Variants in MDGA2 observed in about 807,000 individuals in gnomAD.
The protein encoded by MDGA2 is MAM domain-containing glycosylphosphatidylinositol anchor protein 2.
MDGA2 carries 40 observed loss-of-function variants against 117.8 expected under a neutral mutation model. The observed-to-expected ratio is 0.34, with a 90% CI of 0.26 to 0.44. The LOEUF (loss-of-function observed/expected upper bound fraction) is 0.44, where lower values mean the gene tolerates loss of function less well. Ranked by LOEUF, MDGA2 falls within the 20% of genes least tolerant of loss-of-function variation. The pLI is 1.00. For missense variants in MDGA2, 1,123 were observed against 1,250.6 expected (o/e 0.90, Z 1.54); for synonymous variants, 452 against 439.0 (o/e 1.03, Z -0.37).
rs772139353 is a variant in MDGA2 at position 46,920,087 on chromosome 14, A to G, written c.2163T>C (p.Ser721=). The stretch of plus-strand genomic sequence containing the variant: ...TCATCTGTGTCCACTGTAGACTGTA[A>G]GAATAAACACGGTGTCTGTTCTGCC... The part of the protein sequence containing the change: ...PVWQNRHRVY[S]YSLQWTQMNP... Residue 721 remains serine (S), a synonymous_variant, in exon 10 of 17, where the codon TCT becomes TCC. Coordinates refer to ENST00000399232, the MANE Select transcript of MDGA2 (RefSeq NM_001113498.3). The G allele has an allele frequency of 7.4e-6, 12 of 1,611,962 alleles. No individual in the cohort carries two copies. The Admixed American group carries it at 1.3e-4, about 18-fold the overall frequency.
At chr14:47,301,649 T>C (rs1349764078) in intron 1 of MDGA2, 99 bp from the exon 2 acceptor site, 1 of 1,250,334 alleles carries the variant, frequency 8.0e-7, no homozygotes, top group East Asian at 2.6e-5. Flanking sequence ...TTATTAGACT[T>C]CACCATAGTC....
chr14:46,936,611 C>T (rs1017835619), intron 9 of MDGA2, among the ~76,000 whole-genome samples: 2 of 151,850 alleles, frequency 1.3e-5, no homozygotes, highest in South Asian at 2.1e-4. Context: ...TTTCTCTTCC[C>T]GTCATATACT....
At chr14:47,231,051 C>T (rs1222929952) in intron 2 of MDGA2, among the ~76,000 whole-genome samples, 2 of 151,926 alleles carry the variant, frequency 1.3e-5, no homozygotes, top group African/African-American at 2.4e-5. Flanking sequence ...TTTCAATAAT[C>T]GTCTTCATGT....
rs1186730957 is a variant in MDGA2, at chr14:47,222,045, A to G, written c.421-3850T>C. Among the ~76,000 whole-genome samples the G allele has an allele frequency of 2.0e-5, 3 of 152,018 alleles. No homozygotes were observed. In the East Asian group the frequency reaches 5.8e-4, roughly 29 times the overall value. On this transcript the variant is annotated intron_variant, in intron 2 of 16. Transcript: ENST00000399232. Reference sequence around the variant, plus strand: ...GAGTCACCATTCTATGCAATAGACCACTATACAGTAAGATACAACACTTAT... The same window carrying G: ...GAGTCACCATTCTATGCAATAGACCGCTATACAGTAAGATACAACACTTAT...
At position 47,248,280 on chromosome 14, in the gene MDGA2, C is replaced by CA. The variant is rs1301582314; in HGVS notation, c.421-30086dup. Among the ~76,000 whole-genome samples the CA allele has an allele frequency of 3.3e-5, 5 of 150,852 alleles. No individual in the cohort carries two copies. The East Asian group carries it at 7.7e-4, about 23-fold the overall frequency. ...GAGTAAAAAGGATGAATTTATTTTA[C>CA]AAAAAAATGAGAAACATCAGACGGA... On this transcript the variant is annotated intron_variant, in intron 2 of 16. Transcript: ENST00000399232.
chr14:47,042,808 A>G (rs1030809992), intron 7 of MDGA2, among the ~76,000 whole-genome samples: 1 of 152,136 alleles, frequency 6.6e-6, no homozygotes, highest in Non-Finnish European at 1.5e-5. Flanking sequence ...TCAAGAAAGT[A>G]CATTCAGTGT....
At chr14:46,864,294 T>C (rs971892234) in intron 14 of MDGA2, among the ~76,000 whole-genome samples, 1 of 150,922 alleles carries the variant, frequency 6.6e-6, no homozygotes, top group East Asian at 1.9e-4. Flanking sequence ...TTTTGTTATA[T>C]GTAAATTATT....
intron 1 of MDGA2, among the ~76,000 whole-genome samples, chr14:47,542,890 G>A (rs1895380871): frequency 3.9e-5 from 6 of 152,160 alleles, no homozygotes. Context: ...ATACAAAGAT[G>A]TGTCAGACAC....
intron 2 of MDGA2, among the ~76,000 whole-genome samples, chr14:47,295,296 T>C (rs2139790060): frequency 6.6e-6 from 1 of 152,316 alleles, no homozygotes; most frequent in African/African-American, 2.4e-5. Flanking sequence ...ATGTTTATTA[T>C]TAAAAGAAAT....
chr14:47,511,010 T>A (rs1171428022), intron 1 of MDGA2, among the ~76,000 whole-genome samples: 6 of 152,222 alleles, frequency 3.9e-5, no homozygotes, highest in Admixed American at 3.9e-4. Flanking sequence ...TGTCTCAACT[T>A]TATTATGGCA....
intron 1 of MDGA2, among the ~76,000 whole-genome samples, chr14:47,506,752 C>G (rs1034465234): frequency 9.2e-5 from 14 of 152,140 alleles, no homozygotes; most frequent in African/African-American, 3.4e-4. Context: ...GGGCAGCTCA[C>G]GCCTGTAATC....
intron 1 of MDGA2, among the ~76,000 whole-genome samples, chr14:47,649,710 CAAAAA>C (rs1897602763): frequency 7.7e-6 from 1 of 129,146 alleles, no homozygotes; most frequent in Non-Finnish European, 1.7e-5. Context: ...CAAAACAAAA[CAAAAA>C]AACCCCACAA....
chr14:46,983,825 C>T (rs533279087), intron 8 of MDGA2, among the ~76,000 whole-genome samples: 18 of 151,994 alleles, frequency 1.2e-4, no homozygotes, highest in Non-Finnish European at 1.8e-4. Flanking sequence ...TAATTCTCTT[C>T]TCCATCTGAC....
intron 8 of MDGA2, among the ~76,000 whole-genome samples, chr14:46,969,933 CATATATATATATATATATATATATAT>C (rs1157465830): frequency 3.3e-4 from 5 of 15,316 alleles, no homozygotes; most frequent in African/African-American, 6.1e-4. Flanking sequence ...TAAAGTATTC[CATATATATATATATATATATATATAT>C]ATATATATAT....
chr14:47,664,635 ATCATGCTG>A (rs1897909129), intron 1 of MDGA2, among the ~76,000 whole-genome samples: 1 of 152,222 alleles, frequency 6.6e-6, no homozygotes, highest in Non-Finnish European at 1.5e-5. Context: ...TTTCAACTAC[ATCATGCTG>A]TCTTGCACTG....
chr14:47,504,253 C>G (rs1480732825), intron 1 of MDGA2, among the ~76,000 whole-genome samples: 1 of 152,104 alleles, frequency 6.6e-6, no homozygotes, highest in Non-Finnish European at 1.5e-5. Context: ...CATAATTATT[C>G]TTTGTATGCC....
intron 1 of MDGA2, among the ~76,000 whole-genome samples, chr14:47,477,542 T>C (rs926996231): frequency 6.6e-6 from 1 of 152,234 alleles, no homozygotes; most frequent in Non-Finnish European, 1.5e-5. Context: ...CTCTGATTTT[T>C]GCTTTATGAA....
intron 1 of MDGA2, among the ~76,000 whole-genome samples, chr14:47,458,497 A>T (rs899361424): frequency 1.3e-5 from 2 of 152,128 alleles, no homozygotes; most frequent in Non-Finnish European, 2.9e-5. Context: ...GTTACAAAGG[A>T]CTGCGGTGAG....
chr14:46,872,561 A>G (rs192419756), intron 14 of MDGA2, among the ~76,000 whole-genome samples: 1 of 152,030 alleles, frequency 6.6e-6, no homozygotes, highest in Admixed American at 6.6e-5. Flanking sequence ...CACTTATATC[A>G]TGTGATATCT....
Sources: allele counts gnomAD v4.1 joint callset (sites outside exome capture counted in the v4.1 genomes callset), GRCh38; gene constraint gnomAD v4.1.1; transcripts MANE v1.5; gene names NCBI Gene and HGNC (gene_info 2026-07-23, HGNC 2026-07-21).